SERPINB6: variants seen among roughly 807,000 people sequenced by gnomAD.
The protein encoded by SERPINB6 is serpin B6.
Under a neutral mutation model 26.1 loss-of-function variants are expected in SERPINB6, and 16 were observed. That is an observed-to-expected ratio of 0.61 (90% CI 0.42 to 0.93). SERPINB6 has a LOEUF of 0.93. Ranked by LOEUF, SERPINB6 falls within the 40% of genes least tolerant of loss-of-function variation. The pLI, the probability that SERPINB6 is intolerant of heterozygous loss-of-function variation, is 0.00. For missense variants in SERPINB6, 420 were observed against 478.0 expected (o/e 0.88, Z 1.13); for synonymous variants, 174 against 176.6 (o/e 0.99, Z 0.11).
intron 1 of SERPINB6, chr6:2,970,740 A>AG: frequency 8.1e-7 from 1 of 1,230,018 alleles, no homozygotes; most frequent in East Asian, 3.2e-5. Flanking sequence ...AAAAAAAAAA[A>AG]AAAAGGAAGA....
chr6:2,952,991 C>T (rs1038308328), intron 5 of SERPINB6, 53 bp downstream of exon 5: 25 of 1,611,710 alleles, frequency 1.6e-5, no homozygotes, highest in South Asian at 1.3e-4. Flanking sequence ...GGCCCCGAGC[C>T]GGAGACGCTC....
intron 2 of SERPINB6, chr6:2,957,834 A>C (rs74488284): frequency 6.5e-6 from 1 of 153,086 alleles, no homozygotes; most frequent in Non-Finnish European, 1.5e-5. Flanking sequence ...ACCAGGACAC[A>C]GAGGGCAGAG....
In SERPINB6 at chr6:2,948,160, G is replaced by C. The variant is rs1262362848; in HGVS notation, c.*138C>G. Reference sequence around the variant, plus strand: ...GTGCAGACACACAAACACACGGAGTGAATGCGGCATCCCACAAATGGGCCC... The same window carrying C: ...GTGCAGACACACAAACACACGGAGTCAATGCGGCATCCCACAAATGGGCCC... On this transcript the variant is annotated 3_prime_UTR_variant, in exon 7 of 7. Transcript: ENST00000380539. This position sits in a 1 kb window ranked among gnomAD's most constrained non-coding sequence, Gnocchi z 5.0. The C allele has an allele frequency of 4.3e-6, 4 of 930,806 alleles. No homozygotes were observed. Among genetic ancestry groups the C allele is most frequent in the African/African-American group, 1.6e-5 (1 of 61,554 alleles). 57.7% of individuals were successfully genotyped at this position (930,806 alleles called of 1,614,324 possible). A position where few individuals can be genotyped will look rare whatever the true frequency, so the allele number is the denominator to read the frequency against.
chr6:2,962,118 C>A, intron 1 of SERPINB6: 1 of 985,416 alleles, frequency 1.0e-6, no homozygotes, highest in South Asian at 4.7e-5. Context: ...CTGTTTCAGG[C>A]GCTGATCTTT....
intron 1 of SERPINB6, chr6:2,969,257 C>T: frequency 1.0e-6 from 1 of 985,638 alleles, no homozygotes; most frequent in Non-Finnish European, 1.2e-6. Flanking sequence ...GCCTGTTTCA[C>T]AGTCACGTTG....
chr6:2,970,457 A>C (rs982348616), intron 1 of SERPINB6: 1 of 1,094,502 alleles, frequency 9.1e-7, no homozygotes, highest in Admixed American at 5.1e-5. Context: ...ATCCCAGCAC[A>C]CATAAAAGCC....
At chr6:2,949,381 C>T (rs1769521026) in intron 5 of SERPINB6, among the ~76,000 whole-genome samples, 1 of 152,246 alleles carries the variant, frequency 6.6e-6, no homozygotes, top group Non-Finnish European at 1.5e-5. Flanking sequence ...CTGCATTTTA[C>T]TGCCCACCTG....
chr6:2,960,031 G>A (rs1308968495), intron 1 of SERPINB6: 1 of 160,414 alleles, frequency 6.2e-6, no homozygotes, highest in Non-Finnish European at 1.4e-5. Context: ...ACACCACCTT[G>A]CCTCATGGGC....
At chr6:2,966,737 A>G (rs1315397126) in intron 1 of SERPINB6, 1 of 179,702 alleles carries the variant, frequency 5.6e-6, no homozygotes, top group Non-Finnish European at 1.1e-5. Flanking sequence ...ATTGCTTTAA[A>G]GCAACAGCAA....
Position 2,948,625 on chromosome 6 carries a change from T to C in SERPINB6, c.804A>G (p.Glu268=). 1 of 1,614,134 alleles carries C rather than the reference T, an allele frequency of 6.2e-7. No individual in the cohort carries two copies. Among genetic ancestry groups the C allele is most frequent in the Non-Finnish European group, 8.5e-7 (1 of 1,179,958 alleles). The change falls in exon 7 of 7, where the codon GAA becomes GAG. Residue 268 remains glutamate (E), a synonymous_variant. Coordinates refer to ENST00000380539, the MANE Select transcript of SERPINB6 (RefSeq NM_004568.6). This position sits in a 1 kb window ranked among gnomAD's most constrained non-coding sequence, Gnocchi z 5.0. ...RLDMMDEEEV[E]VSLPRFKLEE... is the part of the protein sequence containing the mutation. ...CTAGTTTAAACCGCGGGAGGGACACTTCCACCTCCTCTTCATCCATCATGT... is the reference window on the plus strand; with the variant it reads ...CTAGTTTAAACCGCGGGAGGGACACCTCCACCTCCTCTTCATCCATCATGT...
chr6:2,948,752 G>A lies in SERPINB6; in HGVS notation c.730-53C>T. The A allele has an allele frequency of 1.3e-6, 2 of 1,572,802 alleles. No homozygotes were observed. Among genetic ancestry groups the A allele is most frequent in the Non-Finnish European group, 8.7e-7 (1 of 1,143,302 alleles). ...GACCCAGGGTGCTGCTGCCCAGCAG[G>A]GCCCTGTGCTATGCTGTGGATGCCA... On this transcript the variant is annotated intron_variant, in intron 6 of 6. Coordinates refer to ENST00000380539, the MANE Select transcript of SERPINB6 (RefSeq NM_004568.6). This position sits in a 1 kb window ranked among gnomAD's most constrained non-coding sequence, Gnocchi z 5.0.
At chr6:2,963,850 C>T (rs1265168403) in intron 1 of SERPINB6, 1 of 152,290 alleles carries the variant, frequency 6.6e-6, no homozygotes, top group East Asian at 1.9e-4. Context: ...AAAACCCTCT[C>T]CTCAGGGGCT....
intron 1 of SERPINB6, chr6:2,963,659 CT>C (rs1261287683): frequency 1.3e-5 from 2 of 152,400 alleles, no homozygotes; most frequent in East Asian, 1.9e-4. Context: ...CCCGTACCCA[CT>C]CCCGTATTTT....
Position 2,948,663 on chromosome 6 carries a change from A to G in SERPINB6, c.766T>C (p.Trp256Arg). The change falls in exon 7 of 7, where the codon TGG becomes CGG. Residue 256 changes from tryptophan (W) to arginine (R), a missense_variant. Trp to Arg is a moderately radical substitution (Grantham distance 101). Transcript: ENST00000380539. This position sits in a 1 kb window ranked among gnomAD's most constrained non-coding sequence, Gnocchi z 5.0. ...KELTYEKFVE[W>R]TRLDMMDEEE... is the part of the protein sequence containing the mutation. ...TCATCCATCATGTCCAGCCTCGTCC[A>G]TTCTACGAACTTCTCGTAAGTGAGT... 6.2e-7 allele frequency: 1 copy of G among 1,614,176 alleles called. No individual in the cohort carries two copies. Among genetic ancestry groups the G allele is most frequent in the Non-Finnish European group, 8.5e-7 (1 of 1,180,008 alleles).
At chr6:2,959,498 T>G (rs1770868960) in intron 1 of SERPINB6, 156 bp from the exon 2 acceptor site, 1 of 738,902 alleles carries the variant, frequency 1.4e-6, no homozygotes. Context: ...CCCTCCACAT[T>G]ATTTTGTGTG....
At chr6:2,958,749 C>A (rs149684482) in intron 2 of SERPINB6, among the ~76,000 whole-genome samples, 2 of 152,030 alleles carry the variant, frequency 1.3e-5, no homozygotes, top group Non-Finnish European at 1.5e-5. Flanking sequence ...ATAACCAGAA[C>A]GCTACTGAAA....
intron 1 of SERPINB6, among the ~76,000 whole-genome samples, chr6:2,964,785 C>T (rs1014649386): frequency 2.6e-5 from 4 of 152,300 alleles, no homozygotes; most frequent in Admixed American, 1.3e-4. Flanking sequence ...TTCTACATAA[C>T]GTGTATACTA....
At chr6:2,949,106 G>C in intron 5 of SERPINB6, 37 bp from the exon 6 acceptor site, 1 of 1,607,660 alleles carries the variant, frequency 6.2e-7, no homozygotes. Context: ...GTTGAAACAA[G>C]ACCCCACTGA....
chr6:2,948,583 C>T lies in SERPINB6; in HGVS notation c.846G>A (p.Met282Ile). The T allele has an allele frequency of 1.2e-6, 2 of 1,614,214 alleles. No individual in the cohort carries two copies. Among genetic ancestry groups the T allele is most frequent in the East Asian group, 2.2e-5 (1 of 44,892 alleles). The change falls in exon 7 of 7, where the codon ATG (methionine) becomes ATA (isoleucine). Residue 282 changes from methionine to isoleucine, a missense_variant. Transcript: ENST00000380539. The surrounding 1 kb of genome is among the most constrained non-coding windows in gnomAD (Gnocchi z 5.0). ...PRFKLEESYD[M>I]ESVLRNLGMT... ...TGCCCAGGTTGCGCAGGACACTCTC[C>T]ATGTCGTAGCTTTCCTCTAGTTTAA...
Sources: allele counts gnomAD v4.1 joint callset (sites outside exome capture counted in the v4.1 genomes callset), GRCh38; gene constraint gnomAD v4.1.1; non-coding constraint Gnocchi (gnomAD v3.1); transcripts MANE v1.5; gene names NCBI Gene and HGNC (gene_info 2026-07-23, HGNC 2026-07-21).